HPSE2: variants seen among roughly 807,000 people sequenced by gnomAD.
HPSE2 encodes heparanase 2 (inactive).
In HPSE2, 38 loss-of-function variants were observed where a neutral mutation model predicts 60.5. The observed-to-expected ratio is 0.63, with a 90% confidence interval of 0.48 to 0.82. The LOEUF is 0.82. Ranked by LOEUF, HPSE2 falls within the 40% of genes least tolerant of loss-of-function variation. The probability of loss-of-function intolerance (pLI) is 0.00; values close to 1 mark genes in which losing one functional copy is unlikely to be tolerated. For missense variants in HPSE2, 713 were observed against 740.4 expected, an observed-to-expected ratio of 0.96 and a Z score of 0.43; for synonymous variants, 295 against 293.2, an observed-to-expected ratio of 1.01 and a Z score of -0.06.
rs1315348136 is a variant in HPSE2 at position 98,843,153 on chromosome 10, C to G, written c.611-99097G>C. The stretch of plus-strand genomic sequence containing the variant: ...CATCACCCGGGTATTAAGCCTACTA[C>G]CCATTAGTTATTTTTCCTGATACTC... On this transcript the variant is annotated intron_variant, in intron 3 of 11. Coordinates refer to ENST00000370552, the MANE Select transcript of HPSE2 (RefSeq NM_021828.5). Among the ~76,000 whole-genome samples the G allele has an allele frequency of 2.7e-5, 4 of 148,400 alleles. No homozygotes were observed. In the Admixed American group the frequency reaches 2.7e-4, roughly 10 times the overall value.
the HPSE2 span, among the ~76,000 whole-genome samples, chr10:99,250,249 C>T: frequency 6.6e-6 from 1 of 152,020 alleles, no homozygotes; most frequent in Admixed American, 6.6e-5. Flanking sequence ...TTGAAAATTT[C>T]CTGAGGCCTC....
chr10:98,667,701 G>A (rs1171752612), intron 6 of HPSE2, among the ~76,000 whole-genome samples: 1 of 152,138 alleles, frequency 6.6e-6, no homozygotes, highest in African/African-American at 2.4e-5. Context: ...AATAGATGCA[G>A]AACAAGCCTT....
the HPSE2 span, among the ~76,000 whole-genome samples, chr10:99,291,582 GAAAA>G: frequency 9.5e-5 from 11 of 115,798 alleles, no homozygotes; most frequent in Admixed American, 1.8e-4. Context: ...GACTCCATCT[GAAAA>G]AAAAAAAAAA....
chr10:98,717,190 T>C (rs548971142), intron 5 of HPSE2, among the ~76,000 whole-genome samples: 62 of 152,218 alleles, frequency 4.1e-4, no homozygotes, highest in African/African-American at 1.5e-3. Flanking sequence ...CTTTATAGAA[T>C]TGAAGAGAGT....
At chr10:99,269,119 A>G in the HPSE2 span, among the ~76,000 whole-genome samples, 72 of 152,166 alleles carry the variant, frequency 4.7e-4, no homozygotes, top group Middle Eastern at 0.014. Flanking sequence ...AGATCATGCC[A>G]CTGCACTCCG....
chr10:98,626,062 C>CA (rs1445477938), intron 7 of HPSE2, among the ~76,000 whole-genome samples: 1 of 146,696 alleles, frequency 6.8e-6, no homozygotes, highest in Non-Finnish European at 1.5e-5. Context: ...GCCGAGATCG[C>CA]ACCACTACAC....
rs573418946 is a variant in HPSE2 at position 99,098,543 on chromosome 10, G to A, written c.610+45695C>T. 4.6e-5 allele frequency among the ~76,000 whole-genome samples: 7 copies of A among 152,234 alleles called. No individual in the cohort carries two copies. In the South Asian group the frequency reaches 1.5e-3, roughly 32 times the overall value. ...GTATGATATAATAAACCCTAGATGA[G>A]TACTTCTTATGTGCCACTTTTATTC... On this transcript the variant is annotated intron_variant, in intron 3 of 11. Coordinates refer to ENST00000370552, the MANE Select transcript of HPSE2 (RefSeq NM_021828.5).
chr10:98,716,774 C>T (rs137863952), intron 5 of HPSE2, among the ~76,000 whole-genome samples: 1 of 152,192 alleles, frequency 6.6e-6, no homozygotes, highest in African/African-American at 2.4e-5. Context: ...GGTGACCAGG[C>T]ACATTGTCAA....
At chr10:98,985,703 G>C (rs983398415) in intron 3 of HPSE2, among the ~76,000 whole-genome samples, 3 of 152,114 alleles carry the variant, frequency 2.0e-5, no homozygotes, top group African/African-American at 4.8e-5. Context: ...TGGCAAATTG[G>C]ATAAAGAGTA....
intron 5 of HPSE2, among the ~76,000 whole-genome samples, chr10:98,716,877 A>G (rs1165592700): frequency 6.6e-6 from 1 of 152,062 alleles, no homozygotes; most frequent in East Asian, 1.9e-4. Flanking sequence ...CTGTAAACAG[A>G]TATGCTGTTA....
At chr10:98,754,027 T>C (rs10883189) in intron 3 of HPSE2, among the ~76,000 whole-genome samples, 63,971 of 151,902 alleles carry the variant, frequency 0.42, 14,960 homozygotes, top group South Asian at 0.56. Context: ...AAGTGAGATA[T>C]AGAATTCAGA....
intron 7 of HPSE2, among the ~76,000 whole-genome samples, chr10:98,629,519 C>T (rs1226362807): frequency 6.6e-6 from 1 of 152,144 alleles, no homozygotes; most frequent in Non-Finnish European, 1.5e-5. Flanking sequence ...TTTTTTGACT[C>T]TCCACTTACT....
Position 98,934,526 on chromosome 10 carries a change from C to G in HPSE2, c.611-190470G>C, listed in dbSNP as rs1954734285. The stretch of plus-strand genomic sequence containing the variant: ...GTCTGAAAAAGATGTTATTTCTCTT[C>G]TGCTTATGAAACTTAGTTTGGCCAG... On this transcript the variant is annotated intron_variant, in intron 3 of 11. Transcript: ENST00000370552. Among the ~76,000 whole-genome samples the G allele has an allele frequency of 2.1e-5, 3 of 144,332 alleles. 1 individual carries two copies. The highest frequency in any genetic ancestry group is 1.5e-5 in the Non-Finnish European group (1 of 67,234). The allele number at this position is 144,332 out of a possible 152,430, so 94.7% of individuals were successfully genotyped here.
chr10:98,939,134 G>C (rs4423122), intron 3 of HPSE2, among the ~76,000 whole-genome samples: 101,428 of 142,452 alleles, frequency 0.71, 40,197 homozygotes, highest in East Asian at 0.85. Flanking sequence ...CAAAATCATG[G>C]CAAATTGTAA....
intron 3 of HPSE2, among the ~76,000 whole-genome samples, chr10:99,056,611 T>C (rs971393441): frequency 6.6e-6 from 1 of 152,146 alleles, no homozygotes; most frequent in African/African-American, 2.4e-5. Flanking sequence ...AAAGTGAATA[T>C]TAATCTCCCT....
intron 9 of HPSE2, among the ~76,000 whole-genome samples, chr10:98,605,340 G>A (rs546494757): frequency 8.9e-4 from 136 of 152,300 alleles, no homozygotes; most frequent in African/African-American, 3.1e-3. Flanking sequence ...ACCCAACACA[G>A]ATTGTAAACA....
intron 11 of HPSE2, among the ~76,000 whole-genome samples, chr10:98,466,610 C>CA (rs397965207): frequency 0.043 from 3,401 of 78,714 alleles, 116 homozygotes; most frequent in African/African-American, 0.099. Flanking sequence ...GACTCCGTCT[C>CA]AAAAAAAAAA....
intron 9 of HPSE2, among the ~76,000 whole-genome samples, chr10:98,543,493 G>A (rs1226691949): frequency 6.6e-6 from 1 of 152,086 alleles, no homozygotes; most frequent in Non-Finnish European, 1.5e-5. Context: ...AACTTTAAAT[G>A]TAAATGGATT....
intron 9 of HPSE2, among the ~76,000 whole-genome samples, chr10:98,500,757 A>G (rs1179392704): frequency 1.3e-5 from 2 of 152,164 alleles, no homozygotes; most frequent in Non-Finnish European, 2.9e-5. Context: ...AAAAAGATAA[A>G]TAAAATTGAT....
Sources: gnomAD v4.1 joint callset for allele counts (sites outside exome capture counted in the v4.1 genomes callset) on GRCh38, gnomAD v4.1.1 for gene constraint, MANE v1.5 for transcripts, NCBI Gene and HGNC (gene_info 2026-07-23, HGNC 2026-07-21) for gene names.